The following WDR3 variants were observed in gnomAD, a reference collection of about 807,000 sequenced individuals.
The protein encoded by WDR3 is WD repeat-containing protein 3.
Under a neutral mutation model 123.7 loss-of-function variants are expected in WDR3, and 81 were observed. The ratio of observed to expected loss-of-function variants is 0.65; its 90% CI spans 0.55 to 0.79. The LOEUF (loss-of-function observed/expected upper bound fraction) is 0.79, where lower values mean the gene tolerates loss of function less well. Ranked by LOEUF, WDR3 falls within the 30% of genes least tolerant of loss-of-function variation. WDR3 has a pLI of 0.00. For synonymous variants in WDR3, 390 were observed against 388.8 expected (o/e 1.00, Z -0.04); for missense variants, 1,027 against 1,123.2 (o/e 0.91, Z 1.22).
Position 117,965,027 on chromosome 1 carries a change from A to G in WDR3, c.*5580A>G, listed in dbSNP as rs139466866. 1 of 152,308 alleles carries G rather than the reference A, an allele frequency of 6.6e-6. No homozygotes were observed. Among genetic ancestry groups the G allele is most frequent in the African/African-American group, 2.4e-5 (1 of 41,566 alleles). 9.4% of individuals were successfully genotyped at this position (152,308 alleles called of 1,614,324 possible). ...ACATGTAGGTCTACATTAAACTGAA[A>G]ATCCTTCCTATATTCTGTTGCATCC... On this transcript the variant is annotated 3_prime_UTR_variant, in exon 27 of 27. Transcript: ENST00000349139.
In WDR3 at chr1:117,950,230, ATAG is replaced by A. The variant is rs1651561980; in HGVS notation, c.1746+103_1746+105del. The A allele has an allele frequency of 2.2e-6, 3 of 1,369,048 alleles. No homozygotes were observed. In the African/African-American group the frequency reaches 4.4e-5, roughly 20 times the overall value. The allele number at this position is 1,369,048 out of a possible 1,614,324, so 84.8% of individuals were successfully genotyped here. On this transcript the variant is annotated intron_variant, in intron 15 of 26. Coordinates refer to ENST00000349139, the MANE Select transcript of WDR3 (RefSeq NM_006784.3). ...GAAGTGGCCTTGACTGTGCCCAGCG[ATAG>A]TACATTTCTAAAAATGTGTGTGTGA... is the stretch of plus-strand genomic sequence containing the variant.
chr1:117,950,075 T>C lies in WDR3; in HGVS notation c.1691T>C (p.Leu564Ser), dbSNP rs1326783226. The change falls in exon 15 of 27, where the codon TTG (leucine) becomes TCG (serine). Residue 564 changes from leucine (L) to serine (S), a missense_variant. Physicochemically the swap from Leu to Ser is moderately radical, Grantham distance 145. Coordinates refer to ENST00000349139, the MANE Select transcript of WDR3 (RefSeq NM_006784.3). ...AGTTACTCTCCCAATCAAAAGCTAT[T>C]GGCTGTGTCTTTGCTGGACTGTACT... ...CVSYSPNQKL[L>S]AVSLLDCTVK... 3 of 1,613,906 alleles carry C rather than the reference T, an allele frequency of 1.9e-6. No individual in the cohort carries two copies. In the African/African-American group the frequency reaches 4.0e-5, roughly 22 times the overall value.
chr1:117,947,494 A>G lies in WDR3; in HGVS notation c.1423-911A>G, dbSNP rs188342614. 1.8e-4 allele frequency among the ~76,000 whole-genome samples: 27 copies of G among 152,308 alleles called. No homozygotes were observed. In the East Asian group the frequency reaches 4.6e-3, roughly 26 times the overall value. The stretch of plus-strand genomic sequence containing the variant: ...ACTTTCCTTCCTTTTTCACTCTTTC[A>G]ACAAATGTCCATCTCTGATTTGCCG... On this transcript the variant is annotated intron_variant, in intron 12 of 26. Coordinates refer to ENST00000349139, the MANE Select transcript of WDR3 (RefSeq NM_006784.3).
chr1:117,950,297 T>A (rs961901773), intron 15 of WDR3, among the ~76,000 whole-genome samples, 167 bp downstream of exon 15: 1 of 152,320 alleles, frequency 6.6e-6, no homozygotes, highest in South Asian at 2.1e-4. Flanking sequence ...GCTAGCATTT[T>A]AAAATAATTC....
At chr1:117,950,172 A>G in intron 15 of WDR3, 42 bp downstream of exon 15, 2 of 1,608,152 alleles carry the variant, frequency 1.2e-6, no homozygotes, top group Non-Finnish European at 1.7e-6. Context: ...TTTCTGACTG[A>G]CTGACCTTAA....
At position 117,952,365 on chromosome 1, in the gene WDR3, AAC is replaced by A; in HGVS notation, c.1975_1976del (p.Gln659ValfsTer7). ...ACTGCCGGAAAAGATCATAAGATTAAACAGTGGGATGCAGACAAATTTGAACA... is the reference window on the plus strand; with the variant it reads ...ACTGCCGGAAAAGATCATAAGATTAAAGTGGGATGCAGACAAATTTGAACA... On this transcript the variant is annotated frameshift_variant, in exon 18 of 27. Transcript: ENST00000349139. LOFTEE classifies it high-confidence loss of function. 6.2e-7 allele frequency: 1 copy of A among 1,613,494 alleles called. No individual in the cohort carries two copies. Among genetic ancestry groups the A allele is most frequent in the Non-Finnish European group, 8.5e-7 (1 of 1,179,568 alleles).
rs1435032831 is a variant in WDR3, at chr1:117,964,584, AG to A, written c.*5139del. ...GAAAAAGGGAGGGGAGGAAGGTGAGAGGAAGGGAGAGAGACTTTCCCAGTGA... is the reference window on the plus strand; with the variant it reads ...GAAAAAGGGAGGGGAGGAAGGTGAGAGAAGGGAGAGAGACTTTCCCAGTGA... On this transcript the variant is annotated 3_prime_UTR_variant, in exon 27 of 27. Coordinates refer to ENST00000349139, the MANE Select transcript of WDR3 (RefSeq NM_006784.3). 2.0e-5 allele frequency: 3 copies of A among 152,132 alleles called. No homozygotes were observed. The highest frequency in any genetic ancestry group is 6.5e-5 in the Admixed American group (1 of 15,270). 9.4% of individuals were successfully genotyped at this position (152,132 alleles called of 1,614,324 possible). A position where few individuals can be genotyped will look rare whatever the true frequency, so the allele number is the denominator to read the frequency against.
Position 117,941,853 on chromosome 1 carries a change from T to C in WDR3, c.989+6T>C. 1 of 1,603,434 alleles carries C rather than the reference T, an allele frequency of 6.2e-7. No homozygotes were observed. The highest frequency in any genetic ancestry group is 8.5e-7 in the Non-Finnish European group (1 of 1,176,822). Reference sequence around the variant, plus strand: ...AAAGCTAGAAAGAAAGCAAAGTATGTTTTCTTAATACTTACATTAATAATG... The same window carrying C: ...AAAGCTAGAAAGAAAGCAAAGTATGCTTTCTTAATACTTACATTAATAATG... On this transcript the variant is annotated splice_donor_region_variant and intron_variant, in intron 9 of 26. Transcript: ENST00000349139.
At chr1:117,953,870 G>C (rs1281886409) in intron 21 of WDR3, 137 bp from the exon 22 acceptor site, 12 of 711,170 alleles carry the variant, frequency 1.7e-5, no homozygotes, top group Non-Finnish European at 2.8e-5. Flanking sequence ...ATGCTTTTTG[G>C]CACTCTATTC....
At chr1:117,955,940 C>A (rs2101265205) in intron 24 of WDR3, among the ~76,000 whole-genome samples, 1 of 152,188 alleles carries the variant, frequency 6.6e-6, no homozygotes, top group African/African-American at 2.4e-5. Flanking sequence ...AATAACTGAC[C>A]AGTAGGCATA....
chr1:117,934,420 C>T (rs1650844928), intron 2 of WDR3, 53 bp from the exon 3 acceptor site: 1 of 1,568,830 alleles, frequency 6.4e-7, no homozygotes, highest in African/African-American at 1.4e-5. Context: ...TATGCTTTTC[C>T]CTTGAGTTCA....
chr1:117,941,325 T>C (rs1395097078), intron 8 of WDR3, 100 bp downstream of exon 8: 4 of 1,163,628 alleles, frequency 3.4e-6, no homozygotes, highest in Admixed American at 2.2e-5. Context: ...TCTTGACTCA[T>C]GTTAATAATT....
intron 6 of WDR3, 93 bp from the exon 7 acceptor site, chr1:117,940,734 C>CAACAACAACAACAACAA: frequency 2.6e-6 from 3 of 1,173,322 alleles, no homozygotes; most frequent in Non-Finnish European, 2.4e-6. Context: ...TCTCCGACAA[C>CAACAACAACAACAACAA]AACAACAACA....
intron 1 of WDR3, among the ~76,000 whole-genome samples, chr1:117,930,556 G>A (rs1025701855): frequency 3.3e-5 from 5 of 152,168 alleles, no homozygotes; most frequent in African/African-American, 1.2e-4. Context: ...CAAGGCTTTA[G>A]GATAGGGAAA....
chr1:117,952,829 T>TA (rs1274855178), intron 19 of WDR3, 117 bp from the exon 20 acceptor site: 1 of 1,435,030 alleles, frequency 7.0e-7, no homozygotes, highest in Non-Finnish European at 9.5e-7. Context: ...TAGGCAGAGA[T>TA]AAAGATGCCA....
intron 25 of WDR3, among the ~76,000 whole-genome samples, chr1:117,958,077 G>A (rs1652485688): frequency 6.6e-6 from 1 of 152,144 alleles, no homozygotes; most frequent in African/African-American, 2.4e-5. Flanking sequence ...CAGAGAACAG[G>A]GATGGAGACA....
intron 5 of WDR3, among the ~76,000 whole-genome samples, 171 bp from the exon 6 acceptor site, chr1:117,939,304 CTG>C (rs963656146): frequency 8.5e-5 from 13 of 152,130 alleles, no homozygotes; most frequent in Admixed American, 6.6e-4. Flanking sequence ...ATTTTTTTCT[CTG>C]TAAAAGTGAG....
In WDR3 at chr1:117,941,592, T is replaced by C. The variant is rs74601910; in HGVS notation, c.892-158T>C. Among the ~76,000 whole-genome samples, 1,032 of 152,306 alleles carry C rather than the reference T, an allele frequency of 6.8e-3. 9 individuals carry two copies. The highest frequency in any genetic ancestry group is 0.023 in the African/African-American group (968 of 41,546). On this transcript the variant is annotated intron_variant, in intron 8 of 26. Coordinates refer to ENST00000349139, the MANE Select transcript of WDR3 (RefSeq NM_006784.3). ...CTACAAGTAGGAAATGGTATCCTCA[T>C]TTTACAGATGAGATAGCAAACCCAG...
rs1185570465 is a variant in WDR3, at chr1:117,963,844, G to A, written c.*4397G>A. The A allele has an allele frequency of 6.2e-7, 1 of 1,613,784 alleles. No individual in the cohort carries two copies. Among genetic ancestry groups the A allele is most frequent in the Admixed American group, 1.7e-5 (1 of 60,014 alleles). On this transcript the variant is annotated 3_prime_UTR_variant, in exon 27 of 27. Coordinates refer to ENST00000349139, the MANE Select transcript of WDR3 (RefSeq NM_006784.3). ...GAGACATGAAGACTCCAAGTGTGGA[G>A]GAATAAATTGTAGAAGTTCTCTGGA...
Sources: gnomAD v4.1 joint callset for allele counts (sites outside exome capture counted in the v4.1 genomes callset) on GRCh38, gnomAD v4.1.1 for gene constraint, MANE v1.5 for transcripts, NCBI Gene and HGNC (gene_info 2026-07-23, HGNC 2026-07-21) for gene names.